INSYN2B: variants seen among roughly 807,000 people sequenced by gnomAD.
INSYN2B encodes the protein inhibitory synaptic factor family member 2B, also known as protein INSYN2B.
INSYN2B carries 16 observed loss-of-function variants against 41.2 expected under a neutral mutation model. The ratio of observed to expected loss-of-function variants is 0.39; its 90% CI spans 0.26 to 0.59. INSYN2B has a LOEUF of 0.59. Among genes scored for constraint, INSYN2B ranks in the 20% least tolerant of loss-of-function variants. The probability of loss-of-function intolerance (pLI) is 0.57; values close to 1 mark genes in which losing one functional copy is unlikely to be tolerated. For missense variants in INSYN2B, 608 were observed against 646.4 expected, an observed-to-expected ratio of 0.94 and a Z score of 0.64; for synonymous variants, 245 against 244.4, an observed-to-expected ratio of 1.00 and a Z score of -0.02.
chr5:169,965,158 A>G (rs889661843), intron 1 of INSYN2B, among the ~76,000 whole-genome samples: 1 of 152,214 alleles, frequency 6.6e-6, no homozygotes, highest in African/African-American at 2.4e-5. Flanking sequence ...GATTGCAGAG[A>G]AGGCTTACAA....
At chr5:169,974,308 C>T (rs1020528950) in intron 1 of INSYN2B, among the ~76,000 whole-genome samples, 15 of 152,196 alleles carry the variant, frequency 9.9e-5, no homozygotes, top group Admixed American at 1.3e-4. Flanking sequence ...TTGGCTATTA[C>T]GATCATCAGT....
At chr5:169,964,503 C>T (rs1030575895) in intron 1 of INSYN2B, among the ~76,000 whole-genome samples, 1 of 152,230 alleles carries the variant, frequency 6.6e-6, no homozygotes, top group Non-Finnish European at 1.5e-5. Flanking sequence ...GAGCTGGCGG[C>T]CCTGTGGCCA....
chr5:169,952,112 T>C (rs1253561252), intron 1 of INSYN2B, among the ~76,000 whole-genome samples: 2 of 152,232 alleles, frequency 1.3e-5, no homozygotes, highest in African/African-American at 4.8e-5. Context: ...ATAGAAGCTT[T>C]TCTTTGCCCC....
At chr5:169,907,012 G>T (rs989618709) in intron 1 of INSYN2B, among the ~76,000 whole-genome samples, 1 of 152,206 alleles carries the variant, frequency 6.6e-6, no homozygotes, top group South Asian at 2.1e-4. Flanking sequence ...GCAGTGAACA[G>T]AGCAGGGTCC....
intron 3 of INSYN2B, among the ~76,000 whole-genome samples, chr5:169,877,565 G>A (rs1280559732): frequency 6.6e-6 from 1 of 152,184 alleles, no homozygotes. Context: ...AATTAATTTT[G>A]TGGTGAAATA....
intron 1 of INSYN2B, among the ~76,000 whole-genome samples, chr5:169,928,588 A>G (rs539892389): frequency 3.9e-4 from 59 of 152,370 alleles, no homozygotes; most frequent in African/African-American, 1.4e-3. Flanking sequence ...AGAGAGGCCA[A>G]GAAAGCATGG....
intron 1 of INSYN2B, among the ~76,000 whole-genome samples, chr5:169,940,953 G>A (rs1222090308): frequency 6.6e-6 from 1 of 152,202 alleles, no homozygotes; most frequent in Non-Finnish European, 1.5e-5. Context: ...AATGCCGATA[G>A]TGCCATGGCT....
intron 1 of INSYN2B, among the ~76,000 whole-genome samples, chr5:169,950,907 G>C (rs896161209): frequency 3.9e-5 from 6 of 152,164 alleles, no homozygotes; most frequent in Non-Finnish European, 8.8e-5. Context: ...GTTTTGACTG[G>C]TCTTCATGAT....
intron 1 of INSYN2B, among the ~76,000 whole-genome samples, chr5:169,909,462 G>A (rs79371940): frequency 0.014 from 2,065 of 152,290 alleles, 17 homozygotes; most frequent in Non-Finnish European, 0.021. Flanking sequence ...GAAGAAGAAA[G>A]TCTAAATATT....
At chr5:169,909,251 G>C (rs960855837) in intron 1 of INSYN2B, among the ~76,000 whole-genome samples, 4 of 152,116 alleles carry the variant, frequency 2.6e-5, no homozygotes, top group Non-Finnish European at 5.9e-5. Context: ...TTTAGTTCCT[G>C]GGTCACATTA....
At position 169,883,275 on chromosome 5, in the gene INSYN2B, A is replaced by T; in HGVS notation, c.624T>A (p.Ile208=). The stretch of plus-strand genomic sequence containing the variant: ...TAGCTTCCCAGGAAGGACTGTGATA[A>T]ATATCATCTGGAACCTGAATGGCAG... ...ATAAIQVPDD[I]YHSPSWEARE... Residue 208 remains isoleucine (I), a synonymous_variant, in exon 2 of 4, where the codon ATT becomes ATA. Coordinates refer to ENST00000377365, the MANE Select transcript of INSYN2B (RefSeq NM_001129891.3). The T allele has an allele frequency of 1.3e-6, 2 of 1,551,602 alleles. No homozygotes were observed. The highest frequency in any genetic ancestry group is 1.7e-6 in the Non-Finnish European group (2 of 1,146,964).
intron 1 of INSYN2B, among the ~76,000 whole-genome samples, chr5:169,915,142 ATAAAAC>A (rs1211994248): frequency 1.3e-5 from 2 of 152,236 alleles, no homozygotes; most frequent in African/African-American, 4.8e-5. Flanking sequence ...GCACAAGTGG[ATAAAAC>A]TAACAAAACT....
rs1321988231 is a variant in INSYN2B at position 169,898,417 on chromosome 5, AT to A, written c.-918-13602del. 2.0e-5 allele frequency among the ~76,000 whole-genome samples: 3 copies of A among 152,138 alleles called. 1 individual carries two copies. The South Asian group carries it at 6.2e-4, about 31-fold the overall frequency. Reference sequence around the variant, plus strand: ...CCTGGGTTTAAAATCCAGCTGTCTCATTTACTAGCTCTGTGACCTTGGTCAG... The same window carrying A: ...CCTGGGTTTAAAATCCAGCTGTCTCATTACTAGCTCTGTGACCTTGGTCAG... On this transcript the variant is annotated intron_variant, in intron 1 of 3. Coordinates refer to ENST00000377365, the MANE Select transcript of INSYN2B (RefSeq NM_001129891.3).
At chr5:169,937,429 G>A (rs1044420833) in intron 1 of INSYN2B, among the ~76,000 whole-genome samples, 3 of 152,178 alleles carry the variant, frequency 2.0e-5, no homozygotes, top group African/African-American at 7.2e-5. Flanking sequence ...ATGATACAAA[G>A]ACTATCTCCT....
intron 1 of INSYN2B, among the ~76,000 whole-genome samples, chr5:169,903,547 C>T (rs1416159077): frequency 3.6e-5 from 5 of 139,008 alleles, no homozygotes; most frequent in African/African-American, 1.1e-4. Context: ...AGGGGGCGTT[C>T]GGGTGGGCAC....
chr5:169,868,985 C>T (rs1771770595), intron 3 of INSYN2B, among the ~76,000 whole-genome samples: 1 of 152,146 alleles, frequency 6.6e-6, no homozygotes, highest in African/African-American at 2.4e-5. Context: ...CAAGTTTCTT[C>T]TCTTCCCACG....
intron 1 of INSYN2B, among the ~76,000 whole-genome samples, chr5:169,964,914 G>A (rs926484476): frequency 3.9e-5 from 6 of 152,238 alleles, no homozygotes; most frequent in Non-Finnish European, 5.9e-5. Flanking sequence ...GTGAGTCTCC[G>A]TCGCTCATGA....
intron 1 of INSYN2B, among the ~76,000 whole-genome samples, chr5:169,952,943 G>A (rs1394429764): frequency 6.6e-6 from 1 of 152,198 alleles, no homozygotes; most frequent in Non-Finnish European, 1.5e-5. Context: ...ACAGTAGGTT[G>A]ATTGTGGTAA....
intron 1 of INSYN2B, among the ~76,000 whole-genome samples, chr5:169,923,275 T>A (rs766459231): frequency 6.6e-6 from 1 of 152,254 alleles, no homozygotes; most frequent in Non-Finnish European, 1.5e-5. Flanking sequence ...GTGGTAAGCT[T>A]ATATGAATGG....
Sources: allele counts gnomAD v4.1 joint callset (sites outside exome capture counted in the v4.1 genomes callset), GRCh38; gene constraint gnomAD v4.1.1; transcripts MANE v1.5; gene names NCBI Gene and HGNC (gene_info 2026-07-23, HGNC 2026-07-21).